CTNNBL1: variants seen among roughly 807,000 people sequenced by gnomAD.
CTNNBL1 encodes the protein catenin beta like 1.
A neutral mutation model predicts 72.7 loss-of-function variants in CTNNBL1; 31 were observed. The observed-to-expected ratio is 0.43, with a 90% confidence interval of 0.32 to 0.58. CTNNBL1 has a LOEUF of 0.58. CTNNBL1 is among the 20% of genes least tolerant of loss of function. The pLI is 0.08. For synonymous variants in CTNNBL1, 240 were observed against 267.3 expected (o/e 0.90, Z 1.00); for missense variants, 534 against 725.1 (o/e 0.74, Z 3.03).
chr20:37,795,354 A>G (rs970190433), intron 10 of CTNNBL1, among the ~76,000 whole-genome samples: 2 of 152,144 alleles, frequency 1.3e-5, no homozygotes, highest in Non-Finnish European at 2.9e-5. Context: ...CAGTTTTGCC[A>G]TGTTGCCCAG....
At chr20:37,728,169 C>T (rs141101559) in intron 1 of CTNNBL1, among the ~76,000 whole-genome samples, 1 of 152,008 alleles carries the variant, frequency 6.6e-6, no homozygotes, top group East Asian at 1.9e-4. Context: ...GGCTGTTGAG[C>T]ACATGAAATT....
Position 37,859,983 on chromosome 20 carries a change from C to T in CTNNBL1, c.1477C>T (p.Leu493Phe). The part of the protein sequence containing the change: ...LRRLDAGLFV[L>F]QHICYIMAEI... ...GCGCCTGGATGCGGGGCTCTTTGTT[C>T]TCCAGCACATCTGCTACATCATGGC... The change falls in exon 14 of 16, where the codon CTC (leucine) becomes TTC (phenylalanine). Residue 493 changes from leucine (L) to phenylalanine (F), a missense_variant. By Grantham distance (22) the Leu-to-Phe change is conservative (BLOSUM62 0). Coordinates refer to ENST00000361383, the MANE Select transcript of CTNNBL1 (RefSeq NM_030877.5). 1 of 1,614,188 alleles carries T rather than the reference C, an allele frequency of 6.2e-7. No individual in the cohort carries two copies. Among genetic ancestry groups the T allele is most frequent in the Non-Finnish European group, 8.5e-7 (1 of 1,180,040 alleles).
At chr20:37,850,500 A>G (rs2072387032) in intron 13 of CTNNBL1, among the ~76,000 whole-genome samples, 1 of 152,256 alleles carries the variant, frequency 6.6e-6, no homozygotes, top group Non-Finnish European at 1.5e-5. Context: ...ACTAACATGT[A>G]GGCAGTCACT....
chr20:37,719,984 G>C (rs956299207), intron 1 of CTNNBL1, among the ~76,000 whole-genome samples: 3 of 150,806 alleles, frequency 2.0e-5, no homozygotes, highest in African/African-American at 7.3e-5. Flanking sequence ...GGGACTACAG[G>C]CATGTGCGTG....
chr20:37,729,514 A>G (rs2073111936), intron 1 of CTNNBL1, among the ~76,000 whole-genome samples: 1 of 151,776 alleles, frequency 6.6e-6, no homozygotes, highest in African/African-American at 2.4e-5. Context: ...TAACTGTGGC[A>G]ATATTTAGCT....
intron 11 of CTNNBL1, among the ~76,000 whole-genome samples, chr20:37,803,710 G>A (rs1335342685): frequency 1.3e-5 from 2 of 152,174 alleles, no homozygotes; most frequent in African/African-American, 4.8e-5. Context: ...CTTGCACCAG[G>A]GAATTTACAT....
intron 13 of CTNNBL1, among the ~76,000 whole-genome samples, chr20:37,847,537 G>A (rs1207027573): frequency 6.6e-6 from 1 of 152,126 alleles, no homozygotes; most frequent in Non-Finnish European, 1.5e-5. Flanking sequence ...ACGACTTGAA[G>A]CCCAGAAAAT....
At chr20:37,805,081 G>A (rs1246213751) in intron 11 of CTNNBL1, among the ~76,000 whole-genome samples, 1 of 152,272 alleles carries the variant, frequency 6.6e-6, no homozygotes, top group African/African-American at 2.4e-5. Flanking sequence ...CCGGCCTTCG[G>A]CCATGAATGG....
At chr20:37,719,952 C>T (rs1036479083) in intron 1 of CTNNBL1, among the ~76,000 whole-genome samples, 2 of 150,162 alleles carry the variant, frequency 1.3e-5, no homozygotes, top group African/African-American at 2.5e-5. Flanking sequence ...GCAGTCCTCC[C>T]ATCTCAGCCT....
chr20:37,772,844 T>C (rs996834233), intron 7 of CTNNBL1, among the ~76,000 whole-genome samples: 1 of 152,212 alleles, frequency 6.6e-6, no homozygotes, highest in Non-Finnish European at 1.5e-5. Flanking sequence ...GTTGGATTTC[T>C]CCTTTTTGTA....
intron 13 of CTNNBL1, among the ~76,000 whole-genome samples, chr20:37,849,106 A>G (rs1568809557): frequency 6.6e-6 from 1 of 152,072 alleles, no homozygotes. Flanking sequence ...TCTGCAGCCT[A>G]TCCACTTTTC....
chr20:37,722,793 C>T (rs1005945477), intron 1 of CTNNBL1, among the ~76,000 whole-genome samples: 2 of 152,160 alleles, frequency 1.3e-5, no homozygotes, highest in Admixed American at 6.5e-5. Context: ...TTTTGGTTTG[C>T]TGCTGTTTGC....
At chr20:37,777,860 A>C (rs78882363) in intron 9 of CTNNBL1, 148 bp downstream of exon 9, 217 of 753,738 alleles carry the variant, frequency 2.9e-4, no homozygotes, top group Non-Finnish European at 3.1e-4. Flanking sequence ...ACGGAGGGAC[A>C]TGGTTTGCCT....
chr20:37,824,212 A>G (rs1447888150), intron 11 of CTNNBL1, among the ~76,000 whole-genome samples: 4 of 152,240 alleles, frequency 2.6e-5, no homozygotes. Flanking sequence ...CTTCTTCAGC[A>G]TACTGCCATT....
intron 2 of CTNNBL1, among the ~76,000 whole-genome samples, chr20:37,736,230 A>C (rs2073170392): frequency 1.3e-5 from 2 of 152,136 alleles, no homozygotes; most frequent in African/African-American, 4.8e-5. Context: ...GTAATATATA[A>C]GAAATGCTAA....
chr20:37,794,760 C>T (rs926400607), intron 10 of CTNNBL1, among the ~76,000 whole-genome samples: 1 of 152,074 alleles, frequency 6.6e-6, no homozygotes, highest in Non-Finnish European at 1.5e-5. Flanking sequence ...CCTCAGTCTC[C>T]CAAAGTGCTG....
At chr20:37,700,027 T>C (rs1260115128) in intron 1 of CTNNBL1, among the ~76,000 whole-genome samples, 1 of 152,198 alleles carries the variant, frequency 6.6e-6, no homozygotes, top group Admixed American at 6.5e-5. Context: ...GCTTTAAAAT[T>C]CTGTGGTACT....
chr20:37,797,354 C>CTTT (rs76016183), intron 10 of CTNNBL1, among the ~76,000 whole-genome samples: 1 of 103,938 alleles, frequency 9.6e-6, no homozygotes, highest in African/African-American at 3.4e-5. Context: ...CACCTTGTTG[C>CTTT]TTTTTTTTTT....
chr20:37,866,619 A>G (rs1174187891), intron 15 of CTNNBL1, among the ~76,000 whole-genome samples: 1 of 152,200 alleles, frequency 6.6e-6, no homozygotes, highest in African/African-American at 2.4e-5. Context: ...CTCACCCAGG[A>G]ACAGAGATGC....
Sources: allele counts gnomAD v4.1 joint callset (sites outside exome capture counted in the v4.1 genomes callset), GRCh38; gene constraint gnomAD v4.1.1; transcripts MANE v1.5; gene names NCBI Gene and HGNC (gene_info 2026-07-23, HGNC 2026-07-21).